Variants in SPECC1 observed in about 807,000 individuals in gnomAD.
The protein encoded by SPECC1 is sperm antigen with calponin homology and coiled-coil domains 1, also known as cytospin-B.
In SPECC1, 62 loss-of-function variants were observed where a neutral mutation model predicts 104.1. That is an observed-to-expected ratio of 0.60 (90% confidence interval 0.49 to 0.74). SPECC1 has a LOEUF of 0.74. SPECC1 is among the 30% of genes least tolerant of loss of function. SPECC1 has a pLI of 0.00. For synonymous variants in SPECC1, 513 were observed against 501.6 expected, an observed-to-expected ratio of 1.02 and a Z score of -0.30; for missense variants, 1,306 against 1,310.5, an observed-to-expected ratio of 1.00 and a Z score of 0.05.
intron 12 of SPECC1, among the ~76,000 whole-genome samples, chr17:20,266,321 C>T (rs1470416675): frequency 4.6e-5 from 7 of 152,326 alleles, no homozygotes; most frequent in East Asian, 1.9e-4. Context: ...CGGTGACTCA[C>T]GCCTGTAATC....
intron 1 of SPECC1, among the ~76,000 whole-genome samples, chr17:20,093,733 GTTTT>G (rs10578540): frequency 1.5e-5 from 2 of 129,780 alleles, no homozygotes; most frequent in Non-Finnish European, 3.3e-5. Context: ...TTTGTTTTTT[GTTTT>G]TTTTTTTTTT....
intron 12 of SPECC1, among the ~76,000 whole-genome samples, chr17:20,266,075 A>G (rs2040205606): frequency 6.6e-6 from 1 of 152,222 alleles, no homozygotes; most frequent in South Asian, 2.1e-4. Flanking sequence ...TTGGTTCCAT[A>G]TGAATTTTAG....
intron 5 of SPECC1, among the ~76,000 whole-genome samples, chr17:20,228,442 A>G (rs1312446260): frequency 9.2e-5 from 14 of 152,208 alleles, no homozygotes; most frequent in Non-Finnish European, 2.9e-5. Context: ...TGAAGGCCAC[A>G]TGTTAGGATA....
At position 20,299,084 on chromosome 17, in the gene SPECC1, A is replaced by G. The variant is rs150430412; in HGVS notation, c.3057+2007A>G. On this transcript the variant is annotated intron_variant, in intron 13 of 14. Coordinates refer to ENST00000395527, the MANE Select transcript of SPECC1 (RefSeq NM_001243439.2). ...TCCAGCATCTGCAGGGTAAGCCAGC[A>G]GGCTGGAGACTCAGGGAAGAGCTGA... 1.7e-3 allele frequency among the ~76,000 whole-genome samples: 263 copies of G among 151,948 alleles called. 2 individuals carry two copies. The highest frequency in any genetic ancestry group is 5.7e-3 in the African/African-American group (237 of 41,424).
rs377102560 is a variant in SPECC1, at chr17:20,130,711, C to G, written c.283+20149C>G. 4.6e-5 allele frequency among the ~76,000 whole-genome samples: 7 copies of G among 152,252 alleles called. No individual in the cohort carries two copies. In the East Asian group the frequency reaches 9.6e-4, roughly 21 times the overall value. ...TACTTTATTATTTTCCAAAATTGTT[C>G]TAGCTAGTCTAGTTCCTTTGACTTC... On this transcript the variant is annotated intron_variant, in intron 3 of 14. Transcript: ENST00000395527.
At chr17:20,057,723 C>T (rs191828774) in intron 1 of SPECC1, 241 of 151,780 alleles carry the variant, frequency 1.6e-3, no homozygotes, top group Non-Finnish European at 3.0e-3. Flanking sequence ...AGCTCCTGGC[C>T]TCAAGCAATC....
chr17:20,299,399 A>T lies in SPECC1; in HGVS notation c.3057+2322A>T, dbSNP rs557662684. ...GCAGACCTCCATTTCTACAAAAAAA[A>T]TTTTTTTTCAATTAGCTGAGCTTGG... On this transcript the variant is annotated intron_variant, in intron 13 of 14. Transcript: ENST00000395527. 1.5e-3 allele frequency among the ~76,000 whole-genome samples: 227 copies of T among 151,306 alleles called. 1 individual carries two copies. The highest frequency in any genetic ancestry group is 5.2e-3 in the African/African-American group (212 of 41,144).
intron 3 of SPECC1, among the ~76,000 whole-genome samples, chr17:20,165,843 T>C (rs2151153895): frequency 6.6e-6 from 1 of 152,362 alleles, no homozygotes; most frequent in East Asian, 1.9e-4. Flanking sequence ...ATAAATATTT[T>C]CTTTAGAAAA....
intron 1 of SPECC1, among the ~76,000 whole-genome samples, chr17:20,078,106 A>G (rs1436400662): frequency 6.6e-6 from 1 of 151,120 alleles, no homozygotes; most frequent in Non-Finnish European, 1.5e-5. Flanking sequence ...AGACATATGT[A>G]TTTTTATAGA....
chr17:20,235,782 G>A (rs1193951035), intron 7 of SPECC1, among the ~76,000 whole-genome samples: 2 of 152,248 alleles, frequency 1.3e-5, no homozygotes, highest in Admixed American at 1.3e-4. Context: ...CTTAATATCT[G>A]TGCCTAATTA....
Position 20,272,339 on chromosome 17 carries a change from A to AT in SPECC1, c.2940+12056dup, listed in dbSNP as rs35441010. Among the ~76,000 whole-genome samples the AT allele has an allele frequency of 4.6e-3, 678 of 148,432 alleles. 6 individuals are homozygous for AT. Among genetic ancestry groups the AT allele is most frequent in the African/African-American group, 0.015 (595 of 40,334 alleles). The stretch of plus-strand genomic sequence containing the variant: ...AATTCTATTAAATGCTTAATTTTGC[A>AT]TTTTTTTTTTTGCTTTTGCATCATT... On this transcript the variant is annotated intron_variant, in intron 12 of 14. Transcript: ENST00000395527.
rs191209485 is a variant in SPECC1 at position 20,274,758 on chromosome 17, A to T, written c.2940+14464A>T. Among the ~76,000 whole-genome samples the T allele has an allele frequency of 8.4e-4, 127 of 151,514 alleles. 1 individual carries two copies. The highest frequency in any genetic ancestry group is 3.0e-3 in the African/African-American group (123 of 41,424). On this transcript the variant is annotated intron_variant, in intron 12 of 14. Coordinates refer to ENST00000395527, the MANE Select transcript of SPECC1 (RefSeq NM_001243439.2). The stretch of plus-strand genomic sequence containing the variant: ...GCTTCCCAAAGTGCTAGGATTACAC[A>T]CATGAGCCACTGTGCCCAGCCTTGT...
intron 3 of SPECC1, among the ~76,000 whole-genome samples, chr17:20,129,845 C>T (rs535209881): frequency 6.6e-6 from 1 of 152,138 alleles, no homozygotes; most frequent in Non-Finnish European, 1.5e-5. Context: ...CCTCTGCCTC[C>T]TGGGCTCAAG....
At chr17:20,050,487 T>C (rs1043293332) in intron 1 of SPECC1, among the ~76,000 whole-genome samples, 1 of 152,248 alleles carries the variant, frequency 6.6e-6, no homozygotes, top group Admixed American at 6.5e-5. Flanking sequence ...AAAATGCAAA[T>C]TCAATAAAAT....
At chr17:20,196,453 G>C (rs929205285) in intron 3 of SPECC1, among the ~76,000 whole-genome samples, 2 of 148,796 alleles carry the variant, frequency 1.3e-5, no homozygotes, top group Non-Finnish European at 3.0e-5. Flanking sequence ...AAGCAGGCAA[G>C]TTATACAGTA....
chr17:20,107,557 A>G (rs537114983), intron 2 of SPECC1, among the ~76,000 whole-genome samples: 2 of 151,200 alleles, frequency 1.3e-5, no homozygotes, highest in South Asian at 2.1e-4. Flanking sequence ...CCTGGGTTCA[A>G]GCGATTCTCC....
rs1272853421 is a variant in SPECC1 at position 20,255,726 on chromosome 17, G to A, written c.2681-1725G>A. On this transcript the variant is annotated intron_variant, in intron 10 of 14. Transcript: ENST00000395527. ...ACTAGAGGTGCATGTCACCATGCCTGGCTAATTACAAAAATTTTGTGGGGG... is the reference window on the plus strand; with the variant it reads ...ACTAGAGGTGCATGTCACCATGCCTAGCTAATTACAAAAATTTTGTGGGGG... 2.0e-5 allele frequency among the ~76,000 whole-genome samples: 3 copies of A among 152,114 alleles called. No homozygotes were observed. The East Asian group carries it at 5.8e-4, about 29-fold the overall frequency.
intron 7 of SPECC1, chr17:20,236,905 C>T (rs371421762): frequency 3.1e-6 from 5 of 1,613,740 alleles, no homozygotes; most frequent in Non-Finnish European, 3.4e-6. Flanking sequence ...GGAAGAAAGA[C>T]AGCCCAGCTC....
At chr17:20,121,169 TCA>T (rs2049010104) in intron 3 of SPECC1, among the ~76,000 whole-genome samples, 1 of 152,160 alleles carries the variant, frequency 6.6e-6, no homozygotes, top group Non-Finnish European at 1.5e-5. Flanking sequence ...CTATTCATGC[TCA>T]CAATAGCCAT....
Sources: gnomAD v4.1 joint callset for allele counts (sites outside exome capture counted in the v4.1 genomes callset) on GRCh38, gnomAD v4.1.1 for gene constraint, MANE v1.5 for transcripts, NCBI Gene and HGNC (gene_info 2026-07-23, HGNC 2026-07-21) for gene names.